Variants in NCOA6 observed in about 807,000 individuals in gnomAD.
NCOA6 encodes NRC RAP250.
In NCOA6, 49 loss-of-function variants were observed where a neutral mutation model predicts 171.4. That is an observed-to-expected ratio of 0.29 (90% CI 0.23 to 0.36). The LOEUF is 0.36. Ranked by LOEUF, NCOA6 falls within the 10% of genes least tolerant of loss-of-function variation. NCOA6 has a pLI of 1.00. For synonymous variants in NCOA6, 910 were observed against 927.5 expected (o/e 0.98, Z 0.34); for missense variants, 2,248 against 2,554.5 (o/e 0.88, Z 2.59).
At chr20:34,748,177 C>A (rs141731482) in intron 9 of NCOA6, among the ~76,000 whole-genome samples, 20 of 152,168 alleles carry the variant, frequency 1.3e-4, no homozygotes, top group African/African-American at 4.1e-4. Flanking sequence ...ATTTTACTCC[C>A]AGACTACCGA....
At chr20:34,761,729 C>T (rs1026251768) in intron 5 of NCOA6, among the ~76,000 whole-genome samples, 1 of 152,010 alleles carries the variant, frequency 6.6e-6, no homozygotes, top group Non-Finnish European at 1.5e-5. Context: ...AATCTTGACT[C>T]ACCACAACCT....
intron 1 of NCOA6, among the ~76,000 whole-genome samples, chr20:34,795,489 C>A (rs1006204385): frequency 2.6e-5 from 4 of 152,200 alleles, no homozygotes; most frequent in African/African-American, 9.7e-5. Context: ...CACAGGAATT[C>A]AAGAGATAGA....
chr20:34,731,926 C>G (rs934939711), intron 13 of NCOA6, among the ~76,000 whole-genome samples: 1 of 152,194 alleles, frequency 6.6e-6, no homozygotes, highest in African/African-American at 2.4e-5. Flanking sequence ...GAGGCTGAGG[C>G]AGGAGAATTG....
At position 34,740,440 on chromosome 20, in the gene NCOA6, C is replaced by T. The variant is rs200759781; in HGVS notation, c.5816G>A (p.Gly1939Asp). The T allele has an allele frequency of 2.3e-4, 369 of 1,614,082 alleles. 1 individual carries two copies. In the Middle Eastern group the frequency reaches 4.1e-3, roughly 18 times the overall value. ...AVPTTKSNHG[G>D]IASESLAGGL... ...ACCCGCAAGTGACTCAGATGCTATGCCACCATGATTGCTTTTTGTGGTCGG... is the reference window on the plus strand; with the variant it reads ...ACCCGCAAGTGACTCAGATGCTATGTCACCATGATTGCTTTTTGTGGTCGG... The change falls in exon 11 of 15, where the codon GGC becomes GAC. Residue 1939 changes from glycine to aspartate, a missense_variant. Physicochemically the swap from Gly to Asp is moderately conservative, Grantham distance 94. Coordinates refer to ENST00000359003, the MANE Select transcript of NCOA6 (RefSeq NM_014071.5).
intron 4 of NCOA6, among the ~76,000 whole-genome samples, chr20:34,771,634 C>T (rs2077154279): frequency 6.6e-6 from 1 of 152,202 alleles, no homozygotes; most frequent in Non-Finnish European, 1.5e-5. Flanking sequence ...TCATCTCATG[C>T]TATTTTTCTC....
chr20:34,768,437 G>A, intron 5 of NCOA6, 27 bp downstream of exon 5: 1 of 1,611,760 alleles, frequency 6.2e-7, no homozygotes, highest in African/African-American at 1.3e-5. Flanking sequence ...CTAGTAAAAT[G>A]TCATACAATT....
chr20:34,805,727 G>T (rs2078429201), intron 1 of NCOA6, among the ~76,000 whole-genome samples: 1 of 151,150 alleles, frequency 6.6e-6, no homozygotes, highest in Admixed American at 6.6e-5. Flanking sequence ...TGGTGCCCAG[G>T]CCCCAGACTA....
intron 8 of NCOA6, among the ~76,000 whole-genome samples, chr20:34,753,046 T>C (rs1401728236): frequency 6.7e-6 from 1 of 150,260 alleles, no homozygotes; most frequent in East Asian, 2.0e-4. Flanking sequence ...TTTTAAAACA[T>C]ACTTTTTTTT....
chr20:34,774,309 T>G (rs1462742070), intron 4 of NCOA6, among the ~76,000 whole-genome samples: 3 of 152,250 alleles, frequency 2.0e-5, no homozygotes, highest in African/African-American at 7.2e-5. Context: ...CTTCCACTTT[T>G]CCTAATAGTT....
chr20:34,818,772 T>C (rs916406414), intron 1 of NCOA6, among the ~76,000 whole-genome samples: 5 of 152,372 alleles, frequency 3.3e-5, no homozygotes, highest in South Asian at 2.1e-4. Flanking sequence ...CATCTTGGTA[T>C]CTTGCAGAGT....
chr20:34,732,456 G>C (rs2075816693), intron 13 of NCOA6, 103 bp downstream of exon 13: 1 of 1,139,366 alleles, frequency 8.8e-7, no homozygotes, highest in Non-Finnish European at 1.3e-6. Context: ...AAGAGTGAAG[G>C]AAAAGGACAA....
chr20:34,798,603 A>G (rs2078159844), intron 1 of NCOA6, among the ~76,000 whole-genome samples: 1 of 152,242 alleles, frequency 6.6e-6, no homozygotes, highest in Non-Finnish European at 1.5e-5. Context: ...CCTCTCCCCT[A>G]GCTCCAGGTA....
chr20:34,782,124 T>C lies in NCOA6; in HGVS notation c.232A>G (p.Met78Val), dbSNP rs969647226. 2 of 1,571,970 alleles carry C rather than the reference T, an allele frequency of 1.3e-6. No individual in the cohort carries two copies. The highest frequency in any genetic ancestry group is 1.4e-5 in the African/African-American group (1 of 73,820). Reference protein sequence around the residue: ...ILKNVPNLLHMESSKLKVQKV... With the variant: ...ILKNVPNLLHVESSKLKVQKV... ...AAAAATAATTAAAGCAAATTACCCATGTGTAACAAATTGGGCACGTTTTTC... is the reference window on the plus strand; with the variant it reads ...AAAAATAATTAAAGCAAATTACCCACGTGTAACAAATTGGGCACGTTTTTC... Residue 78 changes from methionine (M) to valine (V), a missense_variant, in exon 3 of 15, where the codon ATG (methionine) becomes GTG (valine). By Grantham distance (21) the Met-to-Val change is conservative (BLOSUM62 1). Around this residue, in one of 7 missense-constraint regions of NCOA6, gnomAD observed 987 missense variants for 1,104.7 expected, o/e 0.89. Transcript: ENST00000359003.
intron 13 of NCOA6, among the ~76,000 whole-genome samples, chr20:34,731,772 G>A (rs2075787762): frequency 6.6e-6 from 1 of 152,232 alleles, no homozygotes. Flanking sequence ...GCTCACACCT[G>A]TAATCCCAGA....
At chr20:34,775,672 CAAAA>C (rs570763953) in intron 4 of NCOA6, among the ~76,000 whole-genome samples, 9 of 77,514 alleles carry the variant, frequency 1.2e-4, no homozygotes, top group African/African-American at 1.5e-4. Context: ...GACTCTGTCT[CAAAA>C]AAAAAAAAAA....
intron 6 of NCOA6, 30 bp downstream of exon 6, chr20:34,758,773 ACT>A (rs772891407): frequency 6.2e-7 from 1 of 1,606,828 alleles, no homozygotes; most frequent in South Asian, 1.1e-5. Context: ...AAAGTTTCAG[ACT>A]CTTCATCCTC....
intron 1 of NCOA6, chr20:34,809,551 A>C (rs2078582383): frequency 5.0e-6 from 2 of 398,526 alleles, no homozygotes; most frequent in Non-Finnish European, 8.8e-6. Flanking sequence ...GGGCAAGAGG[A>C]AGAAGAGAAA....
In NCOA6 at chr20:34,792,505, A is replaced by C. The variant is rs2077920137; in HGVS notation, c.-105T>G. ...TCCAGGTCATCTTCTAAGTCCAAAG[A>C]AGCTGGCATTTTTAGGGCTTGGATT... On this transcript the variant is annotated 5_prime_UTR_variant, in exon 2 of 15. Transcript: ENST00000359003. 2 of 398,684 alleles carry C rather than the reference A, an allele frequency of 5.0e-6. No individual in the cohort carries two copies. Among genetic ancestry groups the C allele is most frequent in the Non-Finnish European group, 8.8e-6 (2 of 226,006 alleles). 24.7% of individuals were successfully genotyped at this position (398,684 alleles called of 1,614,324 possible).
At chr20:34,731,263 G>T (rs2075768683) in intron 13 of NCOA6, among the ~76,000 whole-genome samples, 1 of 152,010 alleles carries the variant, frequency 6.6e-6, no homozygotes, top group Non-Finnish European at 1.5e-5. Context: ...CAAATGATCT[G>T]CCTGCCTCGG....
Sources: gnomAD v4.1 joint callset for allele counts (sites outside exome capture counted in the v4.1 genomes callset) on GRCh38, gnomAD v4.1.1 for gene constraint, gnomAD v4.1.1 regional missense constraint, MANE v1.5 for transcripts, NCBI Gene and HGNC (gene_info 2026-07-23, HGNC 2026-07-21) for gene names.